Variants in PFDN1 observed in about 807,000 individuals in gnomAD.
PFDN1 encodes the protein prefoldin 1.
In PFDN1, 6 loss-of-function variants were observed where a neutral mutation model predicts 17.3. The ratio of observed to expected loss-of-function variants is 0.35; its 90% CI spans 0.19 to 0.69. The LOEUF is 0.69. PFDN1 is among the 30% of genes least tolerant of loss of function. The pLI is 0.65. For synonymous variants in PFDN1, 58 were observed against 50.1 expected, an observed-to-expected ratio of 1.16 and a Z score of -0.67; for missense variants, 113 against 146.2, an observed-to-expected ratio of 0.77 and a Z score of 1.17.
chr5:140,300,502 G>C lies in PFDN1; in HGVS notation c.114C>G (p.Asn38Lys). The C allele has an allele frequency of 6.2e-7, 1 of 1,612,294 alleles. No individual in the cohort carries two copies. The highest frequency in any genetic ancestry group is 1.3e-5 in the African/African-American group (1 of 74,994). The change falls in exon 2 of 4, where the codon AAC becomes AAG. Residue 38 changes from asparagine to lysine, a missense_variant. Coordinates refer to ENST00000261813, the MANE Select transcript of PFDN1 (RefSeq NM_002622.5). The part of the protein sequence containing the change: ...KLADIQIEQL[N>K]RTKKHAHLTD... The stretch of plus-strand genomic sequence containing the variant: ...TAAGATGTGCATGCTTTTTCGTTCT[G>C]TTTAGCTGTTCAATCTGTATGTCTG...
intron 3 of PFDN1, chr5:140,281,150 G>C (rs775310387): frequency 4.8e-4 from 107 of 222,102 alleles, no homozygotes; most frequent in Admixed American, 1.0e-3. Flanking sequence ...TTTGTTTATG[G>C]TTTTGTTTTT....
chr5:140,274,940 C>G (rs1299182482), intron 3 of PFDN1, among the ~76,000 whole-genome samples: 1 of 149,874 alleles, frequency 6.7e-6, no homozygotes, highest in Non-Finnish European at 1.5e-5. Flanking sequence ...TTGCAGTGAG[C>G]CGAGATTGTG....
chr5:140,287,565 G>A (rs975849624), intron 2 of PFDN1, among the ~76,000 whole-genome samples: 3 of 152,070 alleles, frequency 2.0e-5, no homozygotes, highest in African/African-American at 4.8e-5. Flanking sequence ...TATAGGGCTC[G>A]GCAGGGAAAA....
intron 3 of PFDN1, among the ~76,000 whole-genome samples, chr5:140,277,395 C>T (rs1463905506): frequency 1.3e-5 from 2 of 152,000 alleles, no homozygotes; most frequent in Admixed American, 1.3e-4. Context: ...TAATATCCTA[C>T]TGCAGATGGT....
intron 2 of PFDN1, among the ~76,000 whole-genome samples, chr5:140,292,383 C>G (rs1765592926): frequency 2.0e-5 from 3 of 152,106 alleles, no homozygotes; most frequent in Non-Finnish European, 1.5e-5. Flanking sequence ...GGCACAAATG[C>G]CAAAGTCTCA....
chr5:140,280,347 A>C (rs1319425416), intron 3 of PFDN1, among the ~76,000 whole-genome samples: 1 of 152,132 alleles, frequency 6.6e-6, no homozygotes, highest in Non-Finnish European at 1.5e-5. Context: ...ATCAAACTGA[A>C]CCTCTTAGAA....
At chr5:140,297,100 T>C (rs1765665653) in intron 2 of PFDN1, among the ~76,000 whole-genome samples, 1 of 152,154 alleles carries the variant, frequency 6.6e-6, no homozygotes, top group African/African-American at 2.4e-5. Flanking sequence ...ATCATAAAAG[T>C]CCAGGCAAGA....
intron 3 of PFDN1, among the ~76,000 whole-genome samples, chr5:140,248,838 C>CTATAACATATCTA (rs1358406691): frequency 6.6e-6 from 1 of 152,180 alleles, no homozygotes; most frequent in East Asian, 1.9e-4. Context: ...ATTAACATAT[C>CTATAACATATCTA]TATCTATATT....
intron 2 of PFDN1, among the ~76,000 whole-genome samples, chr5:140,295,048 TCAAG>T (rs1311377390): frequency 1.3e-5 from 2 of 151,984 alleles, no homozygotes; most frequent in Non-Finnish European, 2.9e-5. Context: ...GCTAATCTAC[TCAAG>T]TTCCTCATAT....
At chr5:140,263,778 T>C (rs995966300) in intron 3 of PFDN1, among the ~76,000 whole-genome samples, 1 of 151,588 alleles carries the variant, frequency 6.6e-6, no homozygotes, top group Non-Finnish European at 1.5e-5. Flanking sequence ...TCCCAGCACT[T>C]TGGGAGGCTG....
intron 2 of PFDN1, among the ~76,000 whole-genome samples, chr5:140,295,533 C>T (rs1765639793): frequency 6.6e-6 from 1 of 152,136 alleles, no homozygotes; most frequent in Admixed American, 6.6e-5. Context: ...AGCTCACAAA[C>T]AGCTTAAGTA....
chr5:140,289,135 A>T (rs1006500572), intron 2 of PFDN1, among the ~76,000 whole-genome samples: 3 of 152,078 alleles, frequency 2.0e-5, no homozygotes, highest in East Asian at 1.9e-4. Context: ...AAAAATTTTT[A>T]AATTAGCTGG....
intron 2 of PFDN1, among the ~76,000 whole-genome samples, chr5:140,291,348 A>G (rs919053403): frequency 5.3e-5 from 8 of 152,210 alleles, no homozygotes; most frequent in Admixed American, 3.9e-4. Flanking sequence ...TTTGCTAATG[A>G]GCTGAATATA....
At chr5:140,287,285 G>C (rs1765511585) in intron 2 of PFDN1, among the ~76,000 whole-genome samples, 1 of 152,220 alleles carries the variant, frequency 6.6e-6, no homozygotes, top group Non-Finnish European at 1.5e-5. Context: ...GAACCCTGTG[G>C]TATCGAAGAG....
chr5:140,268,224 AT>A (rs1442811061), intron 3 of PFDN1, among the ~76,000 whole-genome samples: 6 of 152,266 alleles, frequency 3.9e-5, no homozygotes, highest in African/African-American at 1.4e-4. Context: ...TGCAAAAATC[AT>A]TTGAAAAATG....
chr5:140,289,784 A>C (rs771032572), intron 2 of PFDN1, among the ~76,000 whole-genome samples: 1 of 152,180 alleles, frequency 6.6e-6, no homozygotes, highest in Non-Finnish European at 1.5e-5. Flanking sequence ...ATTCCCTATA[A>C]GTAGTTTCAC....
intron 3 of PFDN1, among the ~76,000 whole-genome samples, chr5:140,274,502 C>A (rs1012463343): frequency 2.0e-5 from 3 of 152,152 alleles, no homozygotes; most frequent in Non-Finnish European, 4.4e-5. Flanking sequence ...CTCTATCATA[C>A]TAAAGCCACG....
chr5:140,282,168 C>G (rs993974724), intron 2 of PFDN1: 2 of 122,356 alleles, frequency 1.6e-5, no homozygotes, highest in African/African-American at 6.3e-5. Flanking sequence ...GCTTGGGTAA[C>G]AGAGCAAGAT....
intron 3 of PFDN1, among the ~76,000 whole-genome samples, chr5:140,268,081 C>G (rs1765158405): frequency 6.6e-6 from 1 of 152,166 alleles, no homozygotes. Context: ...TGATGGAATT[C>G]AAATATTTCG....
Sources: allele counts gnomAD v4.1 joint callset (sites outside exome capture counted in the v4.1 genomes callset), GRCh38; gene constraint gnomAD v4.1.1; transcripts MANE v1.5; gene names NCBI Gene and HGNC (gene_info 2026-07-23, HGNC 2026-07-21).